The following SLC24A3 variants were observed in gnomAD, a reference collection of about 807,000 sequenced individuals.
SLC24A3 encodes the protein sodium/potassium/calcium exchanger 3.
SLC24A3 carries 28 observed loss-of-function variants against 75.8 expected under a neutral mutation model. That is an observed-to-expected ratio of 0.37 (90% CI 0.27 to 0.51). The LOEUF is 0.51. Among genes scored for constraint, SLC24A3 ranks in the 20% least tolerant of loss-of-function variants. The probability of loss-of-function intolerance (pLI) is 0.94; values close to 1 mark genes in which losing one functional copy is unlikely to be tolerated. For missense variants in SLC24A3, 663 were observed against 847.8 expected (o/e 0.78, Z 2.71); for synonymous variants, 372 against 334.1 (o/e 1.11, Z -1.24).
chr20:19,570,634 A>G (rs939602248), intron 3 of SLC24A3, among the ~76,000 whole-genome samples: 25 of 152,226 alleles, frequency 1.6e-4, no homozygotes, highest in Admixed American at 6.5e-5. Flanking sequence ...TAGAAGGTCT[A>G]GCGTTAGGTC....
chr20:19,476,886 T>A (rs1987970477), intron 2 of SLC24A3, among the ~76,000 whole-genome samples: 1 of 152,122 alleles, frequency 6.6e-6, no homozygotes, highest in African/African-American at 2.4e-5. Context: ...CTGATTCTTT[T>A]GCCCTCCTCT....
At chr20:19,665,631 C>T (rs2032389827) in intron 7 of SLC24A3, among the ~76,000 whole-genome samples, 1 of 152,204 alleles carries the variant, frequency 6.6e-6, no homozygotes, top group Non-Finnish European at 1.5e-5. Flanking sequence ...CTTTTCCACA[C>T]ATGCCCACCC....
At chr20:19,220,668 T>G (rs1222225335) in intron 1 of SLC24A3, among the ~76,000 whole-genome samples, 1 of 152,244 alleles carries the variant, frequency 6.6e-6, no homozygotes, top group African/African-American at 2.4e-5. Context: ...TGGAATGGTA[T>G]GCATGAGGGT....
At chr20:19,589,342 A>G (rs1005126112) in intron 6 of SLC24A3, among the ~76,000 whole-genome samples, 10 of 152,158 alleles carry the variant, frequency 6.6e-5, no homozygotes, top group African/African-American at 2.4e-4. Flanking sequence ...GAGCTAGAGT[A>G]TTTCTCCACC....
At chr20:19,242,794 G>A (rs1982368008) in intron 1 of SLC24A3, among the ~76,000 whole-genome samples, 1 of 152,136 alleles carries the variant, frequency 6.6e-6, no homozygotes, top group Admixed American at 6.5e-5. Flanking sequence ...TCATAGTAGG[G>A]GAGAGAAGTC....
chr20:19,417,032 C>A (rs376843543), intron 2 of SLC24A3, among the ~76,000 whole-genome samples: 1 of 152,020 alleles, frequency 6.6e-6, no homozygotes, highest in Non-Finnish European at 1.5e-5. Context: ...AGGAATTAGA[C>A]AAATGAAGGG....
intron 2 of SLC24A3, among the ~76,000 whole-genome samples, chr20:19,369,069 T>C (rs1481871446): frequency 6.6e-6 from 1 of 152,220 alleles, no homozygotes; most frequent in African/African-American, 2.4e-5. Flanking sequence ...GCAAAAATTC[T>C]AAACTAACAC....
intron 1 of SLC24A3, among the ~76,000 whole-genome samples, chr20:19,246,485 T>C (rs1231841684): frequency 6.6e-6 from 1 of 152,106 alleles, no homozygotes; most frequent in Admixed American, 6.5e-5. Context: ...ATAGCAGAGA[T>C]TATTAAAAAG....
At chr20:19,443,706 T>C (rs1381229439) in intron 2 of SLC24A3, among the ~76,000 whole-genome samples, 1 of 152,178 alleles carries the variant, frequency 6.6e-6, no homozygotes, top group Non-Finnish European at 1.5e-5. Context: ...TTTATTATGA[T>C]GTTGAATAGG....
intron 6 of SLC24A3, among the ~76,000 whole-genome samples, chr20:19,594,434 G>T (rs1191236980): frequency 2.6e-5 from 4 of 152,234 alleles, no homozygotes; most frequent in Admixed American, 2.6e-4. Context: ...AAGGTGGTTT[G>T]TCTCGTAGTT....
chr20:19,639,288 T>G (rs1195355000), intron 6 of SLC24A3, among the ~76,000 whole-genome samples: 1 of 152,092 alleles, frequency 6.6e-6, no homozygotes, highest in Non-Finnish European at 1.5e-5. Context: ...GGGTGCTGAT[T>G]GGTGTATTTA....
chr20:19,710,396 A>G (rs755594361), intron 15 of SLC24A3, among the ~76,000 whole-genome samples: 4 of 152,192 alleles, frequency 2.6e-5, no homozygotes, highest in Non-Finnish European at 5.9e-5. Flanking sequence ...ATATACATGC[A>G]CTGTGGGCTA....
intron 3 of SLC24A3, among the ~76,000 whole-genome samples, chr20:19,552,415 T>C (rs979631283): frequency 7.2e-5 from 11 of 152,212 alleles, no homozygotes; most frequent in African/African-American, 2.7e-4. Flanking sequence ...GACTCTGACT[T>C]TACCCCAGCT....
chr20:19,688,099 C>A (rs2032700612), intron 12 of SLC24A3, among the ~76,000 whole-genome samples: 1 of 152,180 alleles, frequency 6.6e-6, no homozygotes, highest in African/African-American at 2.4e-5. Context: ...AGATAGAAAG[C>A]AGAATTCCAA....
chr20:19,358,974 A>G (rs1985738632), intron 2 of SLC24A3, among the ~76,000 whole-genome samples: 2 of 152,332 alleles, frequency 1.3e-5, no homozygotes, highest in South Asian at 4.1e-4. Flanking sequence ...TAACTGAATG[A>G]TAGTCCACTG....
rs536115784 is a variant in SLC24A3 at position 19,666,485 on chromosome 20, G to A, written c.713+596G>A. On this transcript the variant is annotated intron_variant, in intron 8 of 16. Coordinates refer to ENST00000328041, the MANE Select transcript of SLC24A3 (RefSeq NM_020689.4). ...CACACCACTGCACTCCAGCCTGGGC[G>A]ACACAGTGAGACTCCATCCCCCACC... Among the ~76,000 whole-genome samples, 551 of 152,004 alleles carry A rather than the reference G, an allele frequency of 3.6e-3. 13 individuals carry two copies. The highest frequency in any genetic ancestry group is 5.9e-4 in the Non-Finnish European group (40 of 67,992).
chr20:19,693,198 G>A (rs1259695792), intron 12 of SLC24A3, 61 bp from the exon 13 acceptor site: 3 of 1,535,832 alleles, frequency 2.0e-6, no homozygotes, highest in African/African-American at 1.4e-5. Flanking sequence ...AAGAAATAAA[G>A]CTAACTGGGG....
At chr20:19,268,217 A>T (rs1983223280) in intron 1 of SLC24A3, among the ~76,000 whole-genome samples, 1 of 152,210 alleles carries the variant, frequency 6.6e-6, no homozygotes, top group Middle Eastern at 3.2e-3. Context: ...CAACAGGTGC[A>T]CTTCTATTAT....
At chr20:19,284,638 T>C (rs187379151) in intron 2 of SLC24A3, 1 of 152,254 alleles carries the variant, frequency 6.6e-6, no homozygotes, top group African/African-American at 2.4e-5. Flanking sequence ...CAGGCAGGAG[T>C]TAATTTGGCA....
Sources: allele counts gnomAD v4.1 joint callset (sites outside exome capture counted in the v4.1 genomes callset), GRCh38; gene constraint gnomAD v4.1.1; transcripts MANE v1.5; gene names NCBI Gene and HGNC (gene_info 2026-07-23, HGNC 2026-07-21).